The following MAML3 variants were observed in gnomAD, a reference collection of about 807,000 sequenced individuals.
MAML3 encodes the protein mastermind like transcriptional coactivator 3.
A neutral mutation model predicts 101.9 loss-of-function variants in MAML3; 27 were observed. The observed-to-expected ratio is 0.27, with a 90% CI of 0.20 to 0.37. The LOEUF is 0.37. Among genes scored for constraint, MAML3 ranks in the 10% least tolerant of loss-of-function variants. The pLI is 1.00. For missense variants in MAML3, 1,316 were observed against 1,444.9 expected (o/e 0.91, Z 1.45); for synonymous variants, 501 against 555.9 (o/e 0.90, Z 1.39).
In MAML3 at chr4:139,847,636, CA is replaced by C. The variant is rs1368399361; in HGVS notation, c.2079+41720del. The stretch of plus-strand genomic sequence containing the variant: ...CCTGGTGAACAGGATCAATTAAGTA[CA>C]GGAGGTAAAATCTTCAAAAATACTT... On this transcript the variant is annotated intron_variant, in intron 2 of 4. Transcript: ENST00000509479. 4.6e-5 allele frequency among the ~76,000 whole-genome samples: 7 copies of C among 152,336 alleles called. No homozygotes were observed. In the East Asian group the frequency reaches 1.3e-3, roughly 29 times the overall value.
intron 1 of MAML3, among the ~76,000 whole-genome samples, chr4:140,028,440 C>T (rs902821343): frequency 2.0e-5 from 3 of 152,166 alleles, no homozygotes; most frequent in African/African-American, 7.2e-5. Flanking sequence ...TCTCTCTTTC[C>T]TCCCCATCTC....
intron 1 of MAML3, among the ~76,000 whole-genome samples, chr4:140,093,858 G>A (rs1417369891): frequency 1.3e-5 from 2 of 152,166 alleles, no homozygotes; most frequent in African/African-American, 4.8e-5. Context: ...CACCTTGGCT[G>A]TATTACCCTA....
chr4:140,146,010 A>G (rs1172952552), intron 1 of MAML3, among the ~76,000 whole-genome samples: 1 of 147,982 alleles, frequency 6.8e-6, no homozygotes, highest in Admixed American at 6.9e-5. Flanking sequence ...AGTAGCTGGG[A>G]TTACAGGCGT....
Position 140,153,170 on chromosome 4 carries a change from C to A in MAML3, c.158G>T (p.Gly53Val). The change falls in exon 1 of 5, where the codon GGA (glycine) becomes GTA (valine). Residue 53 changes from glycine (G) to valine (V), a missense_variant. Coordinates refer to ENST00000509479, the MANE Select transcript of MAML3 (RefSeq NM_018717.5). ...APSSNHPAAG[G>V]CGGSGGPGGG... The stretch of plus-strand genomic sequence containing the variant: ...GCCGGGGCCCCCGGAGCCGCCGCAT[C>A]CACCGGCTGCCGGGTGATTGCTACT... The A allele has an allele frequency of 1.3e-6, 2 of 1,551,622 alleles. No individual in the cohort carries two copies. The highest frequency in any genetic ancestry group is 1.7e-6 in the Non-Finnish European group (2 of 1,147,288).
intron 2 of MAML3, among the ~76,000 whole-genome samples, chr4:139,738,066 A>AACCC (rs1729013793): frequency 6.6e-6 from 1 of 152,134 alleles, no homozygotes; most frequent in Admixed American, 6.6e-5. Flanking sequence ...ACATTGGGGG[A>AACCC]ACCCCACAGG....
intron 2 of MAML3, among the ~76,000 whole-genome samples, chr4:139,836,509 C>A (rs1380601394): frequency 6.6e-6 from 1 of 152,162 alleles, no homozygotes; most frequent in Non-Finnish European, 1.5e-5. Flanking sequence ...CCTCTTTATT[C>A]AATTATCAAC....
chr4:139,752,692 A>G (rs1729538635), intron 2 of MAML3, among the ~76,000 whole-genome samples: 1 of 152,204 alleles, frequency 6.6e-6, no homozygotes, highest in Admixed American at 6.5e-5. Context: ...CTCCCGAGAG[A>G]GCATGTGTAC....
At chr4:139,838,232 G>T (rs909921444) in intron 2 of MAML3, among the ~76,000 whole-genome samples, 2 of 152,100 alleles carry the variant, frequency 1.3e-5, no homozygotes, top group African/African-American at 4.8e-5. Context: ...TGGTCCCAAG[G>T]CTACTCTTAA....
chr4:140,002,487 G>A, intron 1 of MAML3, among the ~76,000 whole-genome samples: 1 of 152,302 alleles, frequency 6.6e-6, no homozygotes, highest in South Asian at 2.1e-4. Context: ...ATGGGAAACA[G>A]TAAGACTGGT....
At chr4:139,808,104 TGGAGA>T (rs1000034610) in intron 2 of MAML3, among the ~76,000 whole-genome samples, 1 of 152,240 alleles carries the variant, frequency 6.6e-6, no homozygotes, top group Non-Finnish European at 1.5e-5. Flanking sequence ...TTGCAGTGTG[TGGAGA>T]GGGATGAGGC....
intron 2 of MAML3, among the ~76,000 whole-genome samples, chr4:139,847,825 C>T (rs181437223): frequency 9.2e-5 from 14 of 152,220 alleles, no homozygotes; most frequent in African/African-American, 3.1e-4. Flanking sequence ...AGTGGCAAGC[C>T]TAGGTCACAA....
In MAML3 at chr4:140,130,036, G is replaced by C. The variant is rs141032278; in HGVS notation, c.468+22824C>G. ...CTATTCTAATGAATCCGCAATTGTG[G>C]AAAACGCACCAATAATAAATCTAGG... On this transcript the variant is annotated intron_variant, in intron 1 of 4. Transcript: ENST00000509479. Among the ~76,000 whole-genome samples the C allele has an allele frequency of 6.7e-3, 1,020 of 152,096 alleles. 9 individuals are homozygous for C. Among genetic ancestry groups the C allele is most frequent in the African/African-American group, 0.021 (852 of 41,504 alleles).
At chr4:140,076,149 G>A (rs1048975858) in intron 1 of MAML3, among the ~76,000 whole-genome samples, 1 of 151,874 alleles carries the variant, frequency 6.6e-6, no homozygotes, top group Admixed American at 6.6e-5. Context: ...TTAAAGGCAT[G>A]AGCCACCACA....
intron 1 of MAML3, among the ~76,000 whole-genome samples, chr4:140,142,160 T>C (rs1055595944): frequency 1.4e-5 from 2 of 145,546 alleles, no homozygotes; most frequent in Non-Finnish European, 3.0e-5. Flanking sequence ...CTAAAATATA[T>C]GAAAGAGAAA....
chr4:140,044,394 A>G (rs552825633), intron 1 of MAML3, among the ~76,000 whole-genome samples: 1 of 152,354 alleles, frequency 6.6e-6, no homozygotes, highest in Admixed American at 6.5e-5. Context: ...GATTGACAAT[A>G]TGACAATCGT....
At chr4:140,014,116 C>T (rs75398571) in intron 1 of MAML3, among the ~76,000 whole-genome samples, 76 of 152,312 alleles carry the variant, frequency 5.0e-4, no homozygotes, top group African/African-American at 1.8e-3. Context: ...ACAACTTTTA[C>T]ATCTTTTCTA....
At chr4:139,835,846 C>T (rs1467227691) in intron 2 of MAML3, among the ~76,000 whole-genome samples, 1 of 152,006 alleles carries the variant, frequency 6.6e-6, no homozygotes, top group African/African-American at 2.4e-5. Flanking sequence ...GATTGTGGCT[C>T]AAAGGAAGTC....
intron 2 of MAML3, among the ~76,000 whole-genome samples, chr4:139,874,856 T>C (rs1732079224): frequency 6.9e-6 from 1 of 145,904 alleles, no homozygotes; most frequent in Non-Finnish European, 1.5e-5. Context: ...CAGGCTGGAG[T>C]GCAGTGGCGC....
chr4:139,952,098 G>A (rs933152847), intron 1 of MAML3, among the ~76,000 whole-genome samples: 1 of 152,186 alleles, frequency 6.6e-6, no homozygotes, highest in African/African-American at 2.4e-5. Context: ...CCAGGAGGCA[G>A]AGGCTGCAGT....
Sources: allele counts gnomAD v4.1 joint callset (sites outside exome capture counted in the v4.1 genomes callset), GRCh38; gene constraint gnomAD v4.1.1; transcripts MANE v1.5; gene names NCBI Gene and HGNC (gene_info 2026-07-23, HGNC 2026-07-21).